Variants in SCN2A observed in about 807,000 individuals in gnomAD.
The protein encoded by SCN2A is sodium voltage-gated channel alpha subunit 2.
SCN2A carries 20 observed loss-of-function variants against 188.7 expected under a neutral mutation model. The ratio of observed to expected loss-of-function variants is 0.11; its 90% CI spans 0.07 to 0.15. The LOEUF (loss-of-function observed/expected upper bound fraction) is 0.15. Among genes scored for constraint, SCN2A ranks in the 10% least tolerant of loss-of-function variants. SCN2A has a pLI of 1.00. For missense variants in SCN2A, 1,278 were observed against 2,445.0 expected, an observed-to-expected ratio of 0.52 and a Z score of 10.07; for synonymous variants, 804 against 833.1, an observed-to-expected ratio of 0.97 and a Z score of 0.60.
At position 165,374,880 on chromosome 2, in the gene SCN2A, A is replaced by G. The variant is rs937020848; in HGVS notation, c.4168A>G (p.Ile1390Val). The G allele has an allele frequency of 6.2e-7, 1 of 1,613,626 alleles. No individual in the cohort carries two copies. Among genetic ancestry groups the G allele is most frequent in the South Asian group, 1.1e-5 (1 of 91,062 alleles). The change falls in exon 22 of 27, where the codon ATT (isoleucine) becomes GTT (valine). Residue 1390 changes from isoleucine (I) to valine (V), a missense_variant. By Grantham distance (29) the Ile-to-Val change is conservative. This residue lies in a region of SCN2A where 32 missense variants were observed against 42.5 expected (regional missense o/e 0.75). Coordinates refer to ENST00000375437, the MANE Select transcript of SCN2A (RefSeq NM_001040142.2). ...VNNYSECKAL[I>V]ESNQTARWKN... ...CAACTACAGTGAGTGCAAAGCTCTC[A>G]TTGAGAGCAATCAAACTGCCAGGTG...
chr2:165,314,564 A>T (rs1697629188), intron 10 of SCN2A, among the ~76,000 whole-genome samples: 1 of 152,198 alleles, frequency 6.6e-6, no homozygotes, highest in Admixed American at 6.5e-5. Context: ...TGGAAAGGCA[A>T]AGGCTTATTC....
chr2:165,379,462 A>G (rs1701486584), intron 23 of SCN2A, among the ~76,000 whole-genome samples: 1 of 151,816 alleles, frequency 6.6e-6, no homozygotes, highest in South Asian at 2.1e-4. Context: ...GATTACCTCC[A>G]GCAGGGATGA....
chr2:165,312,183 C>T (rs1697472231), intron 8 of SCN2A, 95 bp downstream of exon 8: 2 of 863,870 alleles, frequency 2.3e-6, no homozygotes, highest in African/African-American at 1.7e-5. Context: ...TCACTCCTCA[C>T]TCAAAACCCT....
At chr2:165,380,251 G>A (rs1015404761) in intron 23 of SCN2A, among the ~76,000 whole-genome samples, 1 of 151,774 alleles carries the variant, frequency 6.6e-6, no homozygotes. Context: ...ATAATGTGAC[G>A]CTGACATCTC....
At chr2:165,256,010 T>TTTTTTC (rs1694305120) in intron 1 of SCN2A, among the ~76,000 whole-genome samples, 1 of 141,902 alleles carries the variant, frequency 7.0e-6, no homozygotes, top group Admixed American at 7.1e-5. Context: ...CTTTTTTTTT[T>TTTTTTC]TTTTTTTTTT....
intron 25 of SCN2A, among the ~76,000 whole-genome samples, chr2:165,384,904 A>G (rs1451134358): frequency 1.1e-4 from 16 of 152,140 alleles, no homozygotes; most frequent in African/African-American, 3.9e-4. Flanking sequence ...TAGGCAGGAA[A>G]TATCAGAGGG....
At chr2:165,372,725 G>C (rs1574710753) in intron 20 of SCN2A, 1 of 153,076 alleles carries the variant, frequency 6.5e-6, no homozygotes, top group Non-Finnish European at 1.5e-5. Flanking sequence ...AAAAGTCAAA[G>C]CTGCTTTTTA....
chr2:165,384,925 G>C (rs1334226920), intron 25 of SCN2A, among the ~76,000 whole-genome samples: 5 of 151,986 alleles, frequency 3.3e-5, no homozygotes, highest in Admixed American at 3.3e-4. Context: ...TGGAAGTAAG[G>C]GGAAGATGCC....
At chr2:165,367,092 A>G (rs1700768406) in intron 18 of SCN2A, 125 bp from the exon 19 acceptor site, 2 of 867,272 alleles carry the variant, frequency 2.3e-6, no homozygotes, top group African/African-American at 1.7e-5. Flanking sequence ...AGCGGAAGCT[A>G]TCTTAAAAAT....
chr2:165,370,284 C>T lies in SCN2A; in HGVS notation c.3834C>T (p.Asp1278=), dbSNP rs1700958177. The change falls in exon 20 of 27, where the codon GAC becomes GAT. Residue 1278 remains aspartate, a synonymous_variant. Transcript: ENST00000375437. ...TTACCAATGCCTGGTGCTGGCTAGA[C>T]TTCCTGATTGTTGATGTGAGTATGC... ...VYFTNAWCWL[D]FLIVDVSLVS... is the part of the protein sequence containing the mutation. 1.2e-6 allele frequency: 2 copies of T among 1,614,010 alleles called. No individual in the cohort carries two copies. The highest frequency in any genetic ancestry group is 1.3e-5 in the African/African-American group (1 of 74,938).
At chr2:165,272,403 A>G (rs1168517633) in intron 1 of SCN2A, 1 of 152,112 alleles carries the variant, frequency 6.6e-6, no homozygotes, top group Non-Finnish European at 1.5e-5. Flanking sequence ...GAAATCCACA[A>G]TAATTGTTAG....
chr2:165,242,892 C>T (rs540386192), intron 1 of SCN2A, among the ~76,000 whole-genome samples: 54 of 152,208 alleles, frequency 3.5e-4, no homozygotes, highest in Non-Finnish European at 5.7e-4. Context: ...GCCTGTTTTT[C>T]GAAATTAAAT....
At chr2:165,339,076 CT>C (rs1699167894) in intron 14 of SCN2A, among the ~76,000 whole-genome samples, 2 of 152,002 alleles carry the variant, frequency 1.3e-5, no homozygotes, top group African/African-American at 4.8e-5. Flanking sequence ...AAAAAATTAG[CT>C]GAGCGTGGTG....
At chr2:165,364,075 G>C (rs1312259237) in intron 17 of SCN2A, among the ~76,000 whole-genome samples, 1 of 152,094 alleles carries the variant, frequency 6.6e-6, no homozygotes, top group Admixed American at 6.5e-5. Flanking sequence ...ACTGACTACA[G>C]CATCCATCTT....
intron 3 of SCN2A, among the ~76,000 whole-genome samples, chr2:165,304,015 A>G (rs1696982298): frequency 1.3e-5 from 2 of 152,228 alleles, no homozygotes; most frequent in African/African-American, 4.8e-5. Context: ...TCCATAATGC[A>G]GCATAATTGC....
intron 1 of SCN2A, among the ~76,000 whole-genome samples, chr2:165,251,615 T>G (rs962134366): frequency 6.6e-6 from 1 of 152,102 alleles, no homozygotes; most frequent in Non-Finnish European, 1.5e-5. Context: ...CCACAACTCC[T>G]GCCAAGTGGC....
intron 1 of SCN2A, among the ~76,000 whole-genome samples, chr2:165,247,853 T>C (rs768799050): frequency 2.0e-5 from 3 of 152,156 alleles, no homozygotes; most frequent in Non-Finnish European, 2.9e-5. Flanking sequence ...AAAGTTAACA[T>C]CCCTAAACTA....
chr2:165,381,923 G>T (rs191747666), intron 25 of SCN2A, among the ~76,000 whole-genome samples: 19 of 152,112 alleles, frequency 1.2e-4, no homozygotes, highest in African/African-American at 4.1e-4. Context: ...AAACACTTCA[G>T]TGTTTCTCAG....
At chr2:165,302,784 G>A (rs1204728727) in intron 3 of SCN2A, among the ~76,000 whole-genome samples, 1 of 152,134 alleles carries the variant, frequency 6.6e-6, no homozygotes, top group African/African-American at 2.4e-5. Context: ...AGGGGTGGGT[G>A]TGCCAGTGTT....
Sources: gnomAD v4.1 joint callset for allele counts (sites outside exome capture counted in the v4.1 genomes callset) on GRCh38, gnomAD v4.1.1 for gene constraint, gnomAD v4.1.1 regional missense constraint, MANE v1.5 for transcripts, NCBI Gene and HGNC (gene_info 2026-07-23, HGNC 2026-07-21) for gene names.